The following DRD3 variants were observed in gnomAD, a reference collection of about 807,000 sequenced individuals.
DRD3 encodes the protein D(3) dopamine receptor.
A neutral mutation model predicts 36.3 loss-of-function variants in DRD3; 19 were observed. The ratio of observed to expected loss-of-function variants is 0.52; its 90% CI spans 0.36 to 0.77. The LOEUF (loss-of-function observed/expected upper bound fraction) is 0.77. DRD3 is among the 30% of genes least tolerant of loss of function. The probability of loss-of-function intolerance (pLI) is 0.00; values close to 1 mark genes in which losing one functional copy is unlikely to be tolerated. For synonymous variants in DRD3, 195 were observed against 203.7 expected (o/e 0.96, Z 0.36); for missense variants, 465 against 505.3 (o/e 0.92, Z 0.77).
At chr3:114,194,066 TGTC>T (rs2078024889) in intron 1 of DRD3, among the ~76,000 whole-genome samples, 1 of 152,232 alleles carries the variant, frequency 6.6e-6, no homozygotes, top group African/African-American at 2.4e-5. Context: ...ATGGTCAAGG[TGTC>T]AATCAGTTGC....
chr3:114,186,347 G>T, intron 1 of DRD3, among the ~76,000 whole-genome samples: 1 of 152,128 alleles, frequency 6.6e-6, no homozygotes, highest in Non-Finnish European at 1.5e-5. Flanking sequence ...GGCTGGTCTT[G>T]AACTCCCGAC....
chr3:114,184,469 C>T (rs1039727935), intron 1 of DRD3, among the ~76,000 whole-genome samples: 2 of 151,986 alleles, frequency 1.3e-5, no homozygotes, highest in African/African-American at 4.8e-5. Context: ...ATGTAGATAG[C>T]AAAATACTAC....
At chr3:114,152,635 C>A (rs1314360874) in intron 3 of DRD3, among the ~76,000 whole-genome samples, 1 of 152,242 alleles carries the variant, frequency 6.6e-6, no homozygotes, top group Admixed American at 6.5e-5. Context: ...AAGAACTCTG[C>A]CAGCACGGCT....
At position 114,131,383 on chromosome 3, in the gene DRD3, C is replaced by T. The variant is rs201951194; in HGVS notation, c.741G>A (p.Pro247=). 1.9e-5 allele frequency: 31 copies of T among 1,613,634 alleles called. No individual in the cohort carries two copies. The highest frequency in any genetic ancestry group is 1.6e-4 in the Middle Eastern group (1 of 6,080). ...AGTAACGCTTCAGCTCCAGATGTGCCGGGTCAGGAGAGAGGGTCTGCAGGT... is the reference window on the plus strand; with the variant it reads ...AGTAACGCTTCAGCTCCAGATGTGCTGGGTCAGGAGAGAGGGTCTGCAGGT... ...GFPQQTLSPD[P]AHLELKRYYS... Residue 247 remains proline (P), a synonymous_variant, in exon 6 of 7, where the codon CCG becomes CCA. Coordinates refer to ENST00000383673, the MANE Select transcript of DRD3 (RefSeq NM_000796.6).
At chr3:114,157,156 C>T (rs958878422) in intron 3 of DRD3, among the ~76,000 whole-genome samples, 8 of 151,820 alleles carry the variant, frequency 5.3e-5, no homozygotes, top group South Asian at 2.1e-4. Context: ...CGGGTTCAAG[C>T]GGTTCTCCAG....
At chr3:114,130,855 T>G (rs959664597) in intron 6 of DRD3, among the ~76,000 whole-genome samples, 1 of 152,232 alleles carries the variant, frequency 6.6e-6, no homozygotes, top group African/African-American at 2.4e-5. Context: ...TGAATCATTA[T>G]CTTACTTATT....
At chr3:114,138,926 T>C (rs1260585567) in intron 5 of DRD3, among the ~76,000 whole-genome samples, 3 of 152,176 alleles carry the variant, frequency 2.0e-5, no homozygotes, top group African/African-American at 7.2e-5. Flanking sequence ...TGCCAGACAA[T>C]GGGGTAAGGA....
intron 1 of DRD3, among the ~76,000 whole-genome samples, chr3:114,193,366 A>T (rs115485368): frequency 0.012 from 1,763 of 152,338 alleles, 18 homozygotes; most frequent in Non-Finnish European, 0.018. Flanking sequence ...GATTTCTCAC[A>T]GTTGCCAGCT....
intron 1 of DRD3, among the ~76,000 whole-genome samples, chr3:114,173,502 G>A (rs555275047): frequency 2.1e-4 from 32 of 152,238 alleles, no homozygotes; most frequent in African/African-American, 7.2e-4. Context: ...TCACTCTGAC[G>A]GGAGACTGTG....
chr3:114,137,818 C>T (rs1225050372), intron 5 of DRD3, among the ~76,000 whole-genome samples: 9 of 137,462 alleles, frequency 6.5e-5, no homozygotes, highest in South Asian at 5.0e-4. Flanking sequence ...AGTGAAACCC[C>T]GTCTCTACTA....
chr3:114,153,983 G>A (rs2077642031), intron 3 of DRD3, among the ~76,000 whole-genome samples: 1 of 152,164 alleles, frequency 6.6e-6, no homozygotes, highest in South Asian at 2.1e-4. Flanking sequence ...GTTAGCATTA[G>A]CATAGAGGTA....
At chr3:114,174,747 A>AT (rs200747394) in intron 1 of DRD3, among the ~76,000 whole-genome samples, 1,624 of 137,120 alleles carry the variant, frequency 0.012, 9 homozygotes, top group African/African-American at 0.02. Context: ...CCCTGCTTAG[A>AT]TTTTTTTTTT....
At chr3:114,153,768 A>C (rs1027678494) in intron 3 of DRD3, among the ~76,000 whole-genome samples, 2 of 152,104 alleles carry the variant, frequency 1.3e-5, no homozygotes, top group Non-Finnish European at 2.9e-5. Context: ...TTACTCTTGC[A>C]CCACCCAGTT....
intron 3 of DRD3, among the ~76,000 whole-genome samples, chr3:114,156,994 T>C (rs1006740521): frequency 1.2e-4 from 17 of 147,096 alleles, no homozygotes; most frequent in East Asian, 9.8e-4. Flanking sequence ...CTTCCTTTCT[T>C]TCTCTCTCTC....
intron 4 of DRD3, among the ~76,000 whole-genome samples, chr3:114,144,129 T>C (rs1266175863): frequency 2.0e-5 from 3 of 152,180 alleles, no homozygotes; most frequent in African/African-American, 7.2e-5. Context: ...GCCTCGGAAC[T>C]CTCTCACCCA....
In DRD3 at chr3:114,128,702, C is replaced by G. The variant is rs1468143704; in HGVS notation, c.*14G>C. 1 of 1,575,736 alleles carries G rather than the reference C, an allele frequency of 6.3e-7. No individual in the cohort carries two copies. The highest frequency in any genetic ancestry group is 1.2e-5 in the South Asian group (1 of 84,416). On this transcript the variant is annotated 3_prime_UTR_variant, in exon 7 of 7. Coordinates refer to ENST00000383673, the MANE Select transcript of DRD3 (RefSeq NM_000796.6). ...CTAGAAATGGGTACAAAGAGTGTTCCCTCTTCTGCTCCCTCAGCAAGACAG... is the reference window on the plus strand; with the variant it reads ...CTAGAAATGGGTACAAAGAGTGTTCGCTCTTCTGCTCCCTCAGCAAGACAG...
Position 114,139,591 on chromosome 3 carries a change from A to G in DRD3, c.632T>C (p.Ile211Thr). The G allele has an allele frequency of 1.2e-6, 2 of 1,614,144 alleles. No homozygotes were observed. Among genetic ancestry groups the G allele is most frequent in the South Asian group, 1.1e-5 (1 of 91,072 alleles). ...FGVTVLVYARIYVVLKQRRRK... is the reference protein window; with the variant it reads ...FGVTVLVYARTYVVLKQRRRK... ...TCTCCTTTGTTTCAGCACCACATAG[A>G]TTCTGGCATAGACAAGGACAGTCAC... Residue 211 changes from isoleucine to threonine, a missense_variant, in exon 5 of 7, where the codon ATC (isoleucine) becomes ACC (threonine). Coordinates refer to ENST00000383673, the MANE Select transcript of DRD3 (RefSeq NM_000796.6).
chr3:114,169,585 G>A (rs1033252211), intron 2 of DRD3, among the ~76,000 whole-genome samples: 1 of 151,910 alleles, frequency 6.6e-6, no homozygotes, highest in East Asian at 1.9e-4. Flanking sequence ...TGGTTTTTAT[G>A]GGGAGAAACC....
Position 114,178,868 on chromosome 3 carries a change from T to G in DRD3, c.-247A>C, listed in dbSNP as rs1012968398. The G allele has an allele frequency of 6.6e-6, 1 of 152,168 alleles. No homozygotes were observed. The highest frequency in any genetic ancestry group is 2.4e-5 in the African/African-American group (1 of 41,442). The allele number at this position is 152,168 out of a possible 1,614,324, so 9.4% of individuals were successfully genotyped here. ...TTCCAGCTTCCCTATTAGACCTTAGTGCATGTTTCATAGCTGCTTTCGAAT... is the reference window on the plus strand; with the variant it reads ...TTCCAGCTTCCCTATTAGACCTTAGGGCATGTTTCATAGCTGCTTTCGAAT... On this transcript the variant is annotated 5_prime_UTR_variant, in exon 1 of 7. Coordinates refer to ENST00000383673, the MANE Select transcript of DRD3 (RefSeq NM_000796.6).
Sources: gnomAD v4.1 joint callset for allele counts (sites outside exome capture counted in the v4.1 genomes callset) on GRCh38, gnomAD v4.1.1 for gene constraint, MANE v1.5 for transcripts, NCBI Gene and HGNC (gene_info 2026-07-23, HGNC 2026-07-21) for gene names.